The following ATP2C2 variants were observed in gnomAD, a reference collection of about 807,000 sequenced individuals.
ATP2C2 encodes calcium-transporting ATPase type 2C member 2.
A neutral mutation model predicts 110.8 loss-of-function variants in ATP2C2; 171 were observed. The observed-to-expected ratio is 1.54, with a 90% CI of 1.36 to 1.75. The LOEUF (loss-of-function observed/expected upper bound fraction) is 1.75, where lower values mean the gene tolerates loss of function less well. ATP2C2 is among the 40% of genes most tolerant of loss of function. The pLI is 0.00. For missense variants in ATP2C2, 1,963 were observed against 1,235.0 expected (o/e 1.59, Z -8.84); for synonymous variants, 804 against 508.4 (o/e 1.58, Z -7.82).
At chr16:84,371,598 G>C (rs776862619) in intron 1 of ATP2C2, among the ~76,000 whole-genome samples, 1 of 152,232 alleles carries the variant, frequency 6.6e-6, no homozygotes, top group African/African-American at 2.4e-5. Flanking sequence ...TTAGGGTAAG[G>C]AAGAGATTGG....
intron 21 of ATP2C2, 97 bp downstream of exon 21, chr16:84,455,081 T>C: frequency 2.2e-6 from 3 of 1,391,596 alleles, no homozygotes; most frequent in Non-Finnish European, 3.0e-6. Flanking sequence ...GGGGGGGGTC[T>C]CGCGGAGTCC....
chr16:84,461,882 C>T (rs1597892491), intron 25 of ATP2C2, 70 bp downstream of exon 25: 3 of 1,607,696 alleles, frequency 1.9e-6, no homozygotes, highest in East Asian at 4.5e-5. Flanking sequence ...CCCGACCCTG[C>T]CCGCAGCATT....
chr16:84,436,054 G>T (rs898522403), intron 11 of ATP2C2, among the ~76,000 whole-genome samples: 1 of 151,002 alleles, frequency 6.6e-6, no homozygotes, highest in African/African-American at 2.4e-5. Flanking sequence ...GCATGAAGCT[G>T]GGGGGTGGAT....
At chr16:84,409,555 G>T (rs1906085266) in intron 4 of ATP2C2, among the ~76,000 whole-genome samples, 1 of 152,072 alleles carries the variant, frequency 6.6e-6, no homozygotes. Context: ...TGTCGTCCAG[G>T]CTGGACAGCA....
Position 84,439,639 on chromosome 16 carries a change from C to T in ATP2C2, c.1209+115C>T, listed in dbSNP as rs1293981800. 9 of 1,017,098 alleles carry T rather than the reference C, an allele frequency of 8.8e-6. No individual in the cohort carries two copies. The African/African-American group carries it at 1.4e-4, about 16-fold the overall frequency. 63.0% of individuals were successfully genotyped at this position (1,017,098 alleles called of 1,614,324 possible). A position where few individuals can be genotyped will look rare whatever the true frequency, so the allele number is the denominator to read the frequency against. ...CAATAAGGAAGAAATAAATTGGGGT[C>T]ATCTTATAATCTCCTTGCTAACATG... On this transcript the variant is annotated intron_variant, in intron 13 of 26. Coordinates refer to ENST00000262429, the MANE Select transcript of ATP2C2 (RefSeq NM_014861.4).
At chr16:84,461,092 G>C (rs1242085369) in intron 24 of ATP2C2, 15 of 414,590 alleles carry the variant, frequency 3.6e-5, no homozygotes, top group African/African-American at 8.0e-5. Context: ...GCTGCCCCCT[G>C]TTCCCTTGTC....
chr16:84,393,700 G>A (rs1278125365), intron 1 of ATP2C2, among the ~76,000 whole-genome samples: 1 of 151,810 alleles, frequency 6.6e-6, no homozygotes, highest in Non-Finnish European at 1.5e-5. Context: ...AAAGAGGGGA[G>A]GAGGATAGAG....
In ATP2C2 at chr16:84,439,629, A is replaced by G. The variant is rs557874043; in HGVS notation, c.1209+105A>G. The stretch of plus-strand genomic sequence containing the variant: ...TTCTAGAACACAATAAGGAAGAAAT[A>G]AATTGGGGTCATCTTATAATCTCCT... On this transcript the variant is annotated intron_variant, in intron 13 of 26. Coordinates refer to ENST00000262429, the MANE Select transcript of ATP2C2 (RefSeq NM_014861.4). 8.1e-6 allele frequency: 9 copies of G among 1,112,132 alleles called. No homozygotes were observed. In the African/African-American group the frequency reaches 1.4e-4, roughly 17 times the overall value. The allele number at this position is 1,112,132 out of a possible 1,614,324, so 68.9% of individuals were successfully genotyped here.
chr16:84,410,615 C>T lies in ATP2C2; in HGVS notation c.453+12C>T, dbSNP rs1351121232. ...TCGCCTTCATCCAGGTGAGTATTTC[C>T]TGAGGTCCCAGTCAGGGTAAGCTGG... On this transcript the variant is annotated intron_variant, in intron 5 of 26. Transcript: ENST00000262429. 3.1e-6 allele frequency: 5 copies of T among 1,614,090 alleles called. No homozygotes were observed. The highest frequency in any genetic ancestry group is 4.2e-6 in the Non-Finnish European group (5 of 1,179,998).
At chr16:84,451,583 A>T (rs543570665) in intron 17 of ATP2C2, among the ~76,000 whole-genome samples, 1 of 152,300 alleles carries the variant, frequency 6.6e-6, no homozygotes, top group African/African-American at 2.4e-5. Context: ...CACACCTGTA[A>T]TCCCAGCACT....
chr16:84,400,960 G>C (rs781151403), intron 2 of ATP2C2, among the ~76,000 whole-genome samples: 1 of 152,118 alleles, frequency 6.6e-6, no homozygotes, highest in Admixed American at 6.6e-5. Flanking sequence ...TATACATTCT[G>C]GTTATTAATC....
At chr16:84,406,710 A>C (rs1397884528) in intron 3 of ATP2C2, 5 of 931,148 alleles carry the variant, frequency 5.4e-6, no homozygotes, top group Admixed American at 1.2e-4. Context: ...GAGAAGAGGC[A>C]GTGGAGGCTC....
chr16:84,405,646 G>T (rs948597893), intron 3 of ATP2C2, among the ~76,000 whole-genome samples: 3 of 152,296 alleles, frequency 2.0e-5, no homozygotes, highest in Non-Finnish European at 4.4e-5. Flanking sequence ...CAGGCTGGGC[G>T]TGGTGGCTCG....
intron 1 of ATP2C2, among the ~76,000 whole-genome samples, chr16:84,377,677 A>G (rs1420600067): frequency 1.3e-5 from 2 of 152,136 alleles, no homozygotes; most frequent in Non-Finnish European, 2.9e-5. Context: ...AGCTTTAAAT[A>G]TAGTCACTTT....
chr16:84,406,213 T>A (rs1332007998), intron 3 of ATP2C2, among the ~76,000 whole-genome samples: 1 of 152,164 alleles, frequency 6.6e-6, no homozygotes, highest in African/African-American at 2.4e-5. Context: ...ATCAAATGCC[T>A]GGAAGCCACT....
At position 84,459,252 on chromosome 16, in the gene ATP2C2, G is replaced by C; in HGVS notation, c.2217-18G>C. On this transcript the variant is annotated intron_variant, in intron 22 of 26. Coordinates refer to ENST00000262429, the MANE Select transcript of ATP2C2 (RefSeq NM_014861.4). The stretch of plus-strand genomic sequence containing the variant: ...ACGCCTGGCGGGCGGCCGCTGACTG[G>C]CTGCGTGTGCCCCGCAGGAGCATCT... 1 of 1,614,056 alleles carries C rather than the reference G, an allele frequency of 6.2e-7. No homozygotes were observed. The highest frequency in any genetic ancestry group is 8.5e-7 in the Non-Finnish European group (1 of 1,179,884).
At chr16:84,402,782 G>A (rs1597770310) in intron 2 of ATP2C2, among the ~76,000 whole-genome samples, 1 of 152,092 alleles carries the variant, frequency 6.6e-6, no homozygotes, top group African/African-American at 2.4e-5. Flanking sequence ...GTCTGGTTTT[G>A]GTATCAGGGT....
chr16:84,419,238 A>AAAAAAAAAAT (rs1555559558), intron 7 of ATP2C2, among the ~76,000 whole-genome samples: 16 of 138,408 alleles, frequency 1.2e-4, no homozygotes, highest in African/African-American at 4.4e-4. Context: ...AAAAAAAAAA[A>AAAAAAAAAAT]GTGCTACTGG....
chr16:84,370,615 AG>A (rs1248014602), intron 1 of ATP2C2, among the ~76,000 whole-genome samples: 4 of 150,756 alleles, frequency 2.7e-5, no homozygotes, highest in Admixed American at 6.6e-5. Context: ...CCTTTCTCCC[AG>A]GGTTTGGAAA....
Sources: gnomAD v4.1 joint callset for allele counts (sites outside exome capture counted in the v4.1 genomes callset) on GRCh38, gnomAD v4.1.1 for gene constraint, MANE v1.5 for transcripts, NCBI Gene and HGNC (gene_info 2026-07-23, HGNC 2026-07-21) for gene names.